MKLN1: variants seen among roughly 807,000 people sequenced by gnomAD.
MKLN1 encodes muskelin.
A neutral mutation model predicts 99.0 loss-of-function variants in MKLN1; 18 were observed. The ratio of observed to expected loss-of-function variants is 0.18; its 90% confidence interval spans 0.13 to 0.27. The LOEUF is 0.27. Ranked by LOEUF, MKLN1 falls within the 10% of genes least tolerant of loss-of-function variation. The pLI, the probability that MKLN1 is intolerant of heterozygous loss-of-function variation, is 1.00. For missense variants in MKLN1, 621 were observed against 875.9 expected (o/e 0.71, Z 3.67); for synonymous variants, 288 against 293.2 (o/e 0.98, Z 0.18).
chr7:131,350,253 G>C (rs1053584900), intron 1 of MKLN1, among the ~76,000 whole-genome samples: 1 of 149,758 alleles, frequency 6.7e-6, no homozygotes, highest in Non-Finnish European at 1.5e-5. Context: ...TAGAGTTGGG[G>C]TCTCGCTATG....
chr7:131,434,205 A>G (rs1373357115), intron 9 of MKLN1, among the ~76,000 whole-genome samples: 2 of 152,006 alleles, frequency 1.3e-5, no homozygotes, highest in African/African-American at 4.8e-5. Context: ...TGTTTTAATG[A>G]TATTGAATCT....
At chr7:131,313,270 G>A (rs80163277) in intron 3 of MKLN1, among the ~76,000 whole-genome samples, 6,087 of 152,274 alleles carry the variant, frequency 0.04, 172 homozygotes, top group Middle Eastern at 0.11. Context: ...CTATAAGTCA[G>A]TGGTACCATG....
intron 2 of MKLN1, among the ~76,000 whole-genome samples, chr7:131,184,837 T>C (rs1246610627): frequency 1.3e-5 from 2 of 152,226 alleles, no homozygotes; most frequent in Non-Finnish European, 2.9e-5. Flanking sequence ...GCAATACTTT[T>C]TTAAAGATGC....
In MKLN1 at chr7:131,229,161, CTTT is replaced by C. The variant is rs35413730; in HGVS notation, c.-179+26198_-179+26200del. ...AAGCCGTAGGTGGGTTTTAGGGATT[CTTT>C]TTTTTTTTTTAATTATACTTTAAGT... On this transcript the variant is annotated intron_variant, in intron 3 of 7. Transcript: ENST00000416992. Among the ~76,000 whole-genome samples, 39 of 147,976 alleles carry C rather than the reference CTTT, an allele frequency of 2.6e-4. No homozygotes were observed. In the East Asian group the frequency reaches 4.4e-3, roughly 17 times the overall value.
At chr7:131,290,482 T>C (rs910380520) in intron 3 of MKLN1, among the ~76,000 whole-genome samples, 3 of 152,212 alleles carry the variant, frequency 2.0e-5, no homozygotes, top group African/African-American at 7.2e-5. Context: ...CTCTGATGTA[T>C]CCCAGGTGCC....
intron 8 of MKLN1, among the ~76,000 whole-genome samples, chr7:131,419,639 A>G (rs1005493516): frequency 3.9e-5 from 6 of 152,184 alleles, no homozygotes; most frequent in African/African-American, 1.4e-4. Context: ...GTCTTCATAC[A>G]GGTGATATTC....
chr7:131,265,791 T>C (rs1216679764), intron 3 of MKLN1, among the ~76,000 whole-genome samples: 1 of 152,206 alleles, frequency 6.6e-6, no homozygotes, highest in African/African-American at 2.4e-5. Flanking sequence ...CCAAGTTAAC[T>C]AAAATAATGG....
At chr7:131,135,854 A>T (rs186073434) in intron 1 of MKLN1, among the ~76,000 whole-genome samples, 1 of 152,360 alleles carries the variant, frequency 6.6e-6, no homozygotes, top group African/African-American at 2.4e-5. Context: ...AAATGAAGAA[A>T]TAATGTCTTC....
chr7:131,351,440 A>G (rs1207214400), intron 1 of MKLN1, among the ~76,000 whole-genome samples: 2 of 151,824 alleles, frequency 1.3e-5, no homozygotes, highest in African/African-American at 4.8e-5. Flanking sequence ...TGGGAGTTAA[A>G]CAGAAAGCCT....
chr7:131,248,044 A>G lies in MKLN1; in HGVS notation c.-179+45070A>G, dbSNP rs112841398. On this transcript the variant is annotated intron_variant, in intron 3 of 7. Transcript: ENST00000416992. ...CTCCCAAGTAGCTGAGACTACTGGC[A>G]TGTGCCACCACACTCAGCTAATTAC... 5.9e-5 allele frequency among the ~76,000 whole-genome samples: 9 copies of G among 151,448 alleles called. 2 individuals carry two copies. The highest frequency in any genetic ancestry group is 2.2e-4 in the African/African-American group (9 of 41,076).
At chr7:131,401,436 C>T (rs1213650257) in intron 6 of MKLN1, among the ~76,000 whole-genome samples, 1 of 152,122 alleles carries the variant, frequency 6.6e-6, no homozygotes, top group Non-Finnish European at 1.5e-5. Flanking sequence ...TACTGAAATC[C>T]ACCCTTTGCT....
At chr7:131,409,686 A>G (rs1467960209) in intron 6 of MKLN1, among the ~76,000 whole-genome samples, 1 of 152,216 alleles carries the variant, frequency 6.6e-6, no homozygotes, top group Non-Finnish European at 1.5e-5. Flanking sequence ...TTTTAAATTG[A>G]GTCACATGAC....
intron 12 of MKLN1, among the ~76,000 whole-genome samples, chr7:131,455,859 A>C (rs1314684861): frequency 6.6e-6 from 1 of 152,110 alleles, no homozygotes; most frequent in Non-Finnish European, 1.5e-5. Flanking sequence ...CAGCCTGGCC[A>C]ACATAGTGAA....
intron 12 of MKLN1, among the ~76,000 whole-genome samples, chr7:131,456,730 T>G (rs1796351736): frequency 6.6e-6 from 1 of 152,090 alleles, no homozygotes; most frequent in South Asian, 2.1e-4. Flanking sequence ...AGGGGCGTGA[T>G]CATATATGGA....
chr7:131,113,786 T>A (rs1795232561), intron 1 of MKLN1, among the ~76,000 whole-genome samples: 1 of 152,104 alleles, frequency 6.6e-6, no homozygotes, highest in Non-Finnish European at 1.5e-5. Context: ...ATCATGCCAC[T>A]GTGCTCCGGC....
intron 2 of MKLN1, among the ~76,000 whole-genome samples, chr7:131,143,250 C>A (rs1294400246): frequency 2.0e-5 from 3 of 151,888 alleles, no homozygotes; most frequent in Non-Finnish European, 4.4e-5. Flanking sequence ...CGGCAAATCA[C>A]GAGGTCAGGA....
chr7:131,395,625 A>G (rs977910885), intron 4 of MKLN1, among the ~76,000 whole-genome samples: 3 of 151,738 alleles, frequency 2.0e-5, no homozygotes, highest in South Asian at 2.1e-4. Context: ...CTTTTGTACC[A>G]TTAGTGCAAT....
Position 131,487,549 on chromosome 7 carries a change from A to T in MKLN1, c.2087-58A>T. ...AAATACATTGCTGCTGGTCTCAACT[A>T]GTTTTTCTGTTACATGTTTTAAACA... On this transcript the variant is annotated intron_variant, in intron 17 of 17. Coordinates refer to ENST00000352689, the MANE Select transcript of MKLN1 (RefSeq NM_013255.5). This position sits in a 1 kb window ranked among gnomAD's most constrained non-coding sequence, Gnocchi z 4.7. The T allele has an allele frequency of 6.4e-7, 1 of 1,564,702 alleles. No homozygotes were observed. Among genetic ancestry groups the T allele is most frequent in the Non-Finnish European group, 8.6e-7 (1 of 1,156,550 alleles).
intron 8 of MKLN1, among the ~76,000 whole-genome samples, chr7:131,416,239 C>T (rs1273466630): frequency 6.6e-6 from 1 of 152,152 alleles, no homozygotes; most frequent in Non-Finnish European, 1.5e-5. Flanking sequence ...ATTTAAAGTT[C>T]ACCTTATCTG....
Sources: allele counts gnomAD v4.1 joint callset (sites outside exome capture counted in the v4.1 genomes callset), GRCh38; gene constraint gnomAD v4.1.1; non-coding constraint Gnocchi (gnomAD v3.1); transcripts MANE v1.5; gene names NCBI Gene and HGNC (gene_info 2026-07-23, HGNC 2026-07-21).